Variants in IARS1 observed in about 807,000 individuals in gnomAD.
The protein encoded by IARS1 is isoleucyl-tRNA synthetase 1.
In IARS1, 124 loss-of-function variants were observed where a neutral mutation model predicts 168.2. The ratio of observed to expected loss-of-function variants is 0.74; its 90% CI spans 0.64 to 0.86. The LOEUF (loss-of-function observed/expected upper bound fraction) is 0.86, where lower values mean the gene tolerates loss of function less well. Ranked by LOEUF, IARS1 falls within the 40% of genes least tolerant of loss-of-function variation. IARS1 has a pLI of 0.00. For missense variants in IARS1, 1,452 were observed against 1,515.8 expected, an observed-to-expected ratio of 0.96 and a Z score of 0.70; for synonymous variants, 532 against 529.4, an observed-to-expected ratio of 1.00 and a Z score of -0.07.
At chr9:92,288,065 G>T in intron 3 of IARS1, 61 bp downstream of exon 3, 1 of 1,552,344 alleles carries the variant, frequency 6.4e-7, no homozygotes, top group Non-Finnish European at 8.8e-7. Context: ...CATATTATAT[G>T]ACAAAATCTA....
At chr9:92,226,258 C>T (rs1825656297) in intron 31 of IARS1, among the ~76,000 whole-genome samples, 1 of 152,208 alleles carries the variant, frequency 6.6e-6, no homozygotes, top group Non-Finnish European at 1.5e-5. Context: ...TCCAGTGGTT[C>T]CAACAATTCA....
intron 10 of IARS1, among the ~76,000 whole-genome samples, chr9:92,271,857 T>G (rs577118065): frequency 2.6e-5 from 4 of 152,206 alleles, no homozygotes; most frequent in Non-Finnish European, 4.4e-5. Flanking sequence ...CAGTCTAGTC[T>G]TCTCAAATAT....
At chr9:92,217,259 G>A (rs1365974590) in intron 33 of IARS1, among the ~76,000 whole-genome samples, 2 of 151,502 alleles carry the variant, frequency 1.3e-5, no homozygotes, top group Non-Finnish European at 2.9e-5. Flanking sequence ...GAATCTCTGA[G>A]ACGCATTCAA....
chr9:92,277,230 A>C (rs1833894732), intron 9 of IARS1, among the ~76,000 whole-genome samples: 1 of 152,286 alleles, frequency 6.6e-6, no homozygotes, highest in East Asian at 1.9e-4. Flanking sequence ...CAAGGTCAGG[A>C]GTTCAAAACC....
chr9:92,227,147 C>A (rs1825830618), intron 31 of IARS1, among the ~76,000 whole-genome samples: 1 of 137,720 alleles, frequency 7.3e-6, no homozygotes. Flanking sequence ...AACAGGATCC[C>A]AAGGCAGAAG....
At chr9:92,256,639 A>G (rs747841511) in intron 20 of IARS1, 41 bp downstream of exon 20, 1 of 1,582,496 alleles carries the variant, frequency 6.3e-7, no homozygotes, top group Non-Finnish European at 8.6e-7. Context: ...TACAAAGAGA[A>G]TAGTCCTTAT....
In IARS1 at chr9:92,268,159, A is replaced by G; in HGVS notation, c.1431+15T>C. The stretch of plus-strand genomic sequence containing the variant: ...TTAGCAAAAATCAACACAAGGAAAT[A>G]CTGCCATGCCTCACCTCCTCAAAGT... On this transcript the variant is annotated intron_variant, in intron 14 of 33. Transcript: ENST00000443024. The G allele has an allele frequency of 3.2e-6, 5 of 1,554,348 alleles. No individual in the cohort carries two copies. Among genetic ancestry groups the G allele is most frequent in the South Asian group, 2.4e-5 (2 of 81,898 alleles).
intron 33 of IARS1, among the ~76,000 whole-genome samples, chr9:92,222,185 C>T (rs1304148232): frequency 6.6e-6 from 1 of 151,490 alleles, no homozygotes. Context: ...GCCATGGTGG[C>T]AGGCGCCCGT....
intron 33 of IARS1, among the ~76,000 whole-genome samples, chr9:92,214,743 A>C (rs1205195123): frequency 6.6e-6 from 1 of 152,222 alleles, no homozygotes; most frequent in Non-Finnish European, 1.5e-5. Context: ...CCACGAGATT[A>C]TACCCCGCAC....
At chr9:92,257,765 GAAT>G (rs1830930304) in intron 19 of IARS1, among the ~76,000 whole-genome samples, 1 of 152,160 alleles carries the variant, frequency 6.6e-6, no homozygotes, top group African/African-American at 2.4e-5. Context: ...GCTCAAGCAG[GAAT>G]AATATCTCAT....
chr9:92,262,161 C>T (rs952121035), intron 17 of IARS1, among the ~76,000 whole-genome samples: 2 of 152,038 alleles, frequency 1.3e-5, no homozygotes, highest in Admixed American at 6.6e-5. Flanking sequence ...TGTCCTTTGG[C>T]AAGTCACTTT....
chr9:92,269,745 T>C (rs927448579), intron 13 of IARS1, 140 bp downstream of exon 13: 9 of 580,744 alleles, frequency 1.5e-5, no homozygotes, highest in Non-Finnish European at 2.5e-5. Flanking sequence ...TTTGTGCTCC[T>C]AAACACACAG....
intron 33 of IARS1, 102 bp from the exon 34 acceptor site, chr9:92,210,991 T>C (rs1837654737): frequency 1.3e-6 from 1 of 742,894 alleles, no homozygotes; most frequent in Non-Finnish European, 2.4e-6. Context: ...AATTTGGCCT[T>C]ATCCTAAGAG....
chr9:92,283,343 G>A (rs1241769002), intron 6 of IARS1, among the ~76,000 whole-genome samples: 1 of 152,156 alleles, frequency 6.6e-6, no homozygotes, highest in African/African-American at 2.4e-5. Context: ...TAAAAATTAA[G>A]TATACTCTGT....
intron 26 of IARS1, among the ~76,000 whole-genome samples, chr9:92,245,836 G>A (rs962405218): frequency 6.6e-5 from 10 of 150,842 alleles, no homozygotes; most frequent in East Asian, 1.9e-4. Context: ...GCAGGATCTC[G>A]GCTCACTGCA....
chr9:92,265,164 A>C (rs1056029665), intron 15 of IARS1, 41 bp from the exon 16 acceptor site: 2 of 1,520,794 alleles, frequency 1.3e-6, no homozygotes, highest in Non-Finnish European at 9.0e-7. Flanking sequence ...AACTGTAAGC[A>C]TAACAGAACT....
intron 25 of IARS1, among the ~76,000 whole-genome samples, 200 bp downstream of exon 25, chr9:92,249,658 C>T (rs1457774986): frequency 6.6e-6 from 1 of 152,108 alleles, no homozygotes; most frequent in African/African-American, 2.4e-5. Context: ...TAAAGAAATT[C>T]ATTGATCTTG....
At chr9:92,279,553 C>T (rs1321654099) in intron 7 of IARS1, among the ~76,000 whole-genome samples, 2 of 152,106 alleles carry the variant, frequency 1.3e-5, no homozygotes, top group East Asian at 3.8e-4. Flanking sequence ...TAAAAAACTC[C>T]CTCCGTACCT....
intron 1 of IARS1, among the ~76,000 whole-genome samples, chr9:92,291,789 C>A (rs749262691): frequency 2.6e-5 from 4 of 152,152 alleles, no homozygotes; most frequent in Non-Finnish European, 5.9e-5. Context: ...GCTGGTCCTA[C>A]TATGGCCCAC....
Sources: gnomAD v4.1 joint callset for allele counts (sites outside exome capture counted in the v4.1 genomes callset) on GRCh38, gnomAD v4.1.1 for gene constraint, MANE v1.5 for transcripts, NCBI Gene and HGNC (gene_info 2026-07-23, HGNC 2026-07-21) for gene names.